Variants in PDIA5 observed in about 807,000 individuals in gnomAD.
The protein encoded by PDIA5 is protein disulfide isomerase family A member 5.
PDIA5 carries 58 observed loss-of-function variants against 77.6 expected under a neutral mutation model. That is an observed-to-expected ratio of 0.75 (90% CI 0.61 to 0.93). The LOEUF (loss-of-function observed/expected upper bound fraction) is 0.93, where lower values mean the gene tolerates loss of function less well. Among genes scored for constraint, PDIA5 ranks in the 40% least tolerant of loss-of-function variants. The probability of loss-of-function intolerance (pLI) is 0.00; values close to 1 mark genes in which losing one functional copy is unlikely to be tolerated. For missense variants in PDIA5, 630 were observed against 647.7 expected (o/e 0.97, Z 0.30); for synonymous variants, 250 against 252.1 (o/e 0.99, Z 0.08).
chr3:123,106,560 G>A (rs192617699), intron 5 of PDIA5, among the ~76,000 whole-genome samples, 189 bp from the exon 6 acceptor site: 5 of 152,246 alleles, frequency 3.3e-5, no homozygotes, highest in Admixed American at 3.3e-4. Context: ...TGCATTTTTG[G>A]GCACTTATCC....
chr3:123,113,165 CT>C (rs1934906081), intron 7 of PDIA5, among the ~76,000 whole-genome samples: 1 of 152,186 alleles, frequency 6.6e-6, no homozygotes, highest in South Asian at 2.1e-4. Flanking sequence ...TTTGGTATAT[CT>C]TAAAGCCCTT....
intron 1 of PDIA5, among the ~76,000 whole-genome samples, chr3:123,076,926 C>T (rs192622140): frequency 1.3e-5 from 2 of 152,334 alleles, no homozygotes; most frequent in Admixed American, 1.3e-4. Flanking sequence ...CATAAGCTCT[C>T]AGATAAGTTG....
intron 11 of PDIA5, among the ~76,000 whole-genome samples, chr3:123,143,816 C>T (rs1935696444): frequency 6.6e-6 from 1 of 152,196 alleles, no homozygotes; most frequent in South Asian, 2.1e-4. Context: ...GTTGATGTGG[C>T]TAAGCACTGT....
At chr3:123,082,677 A>G (rs1560498619) in intron 1 of PDIA5, among the ~76,000 whole-genome samples, 1 of 151,968 alleles carries the variant, frequency 6.6e-6, no homozygotes, top group Non-Finnish European at 1.5e-5. Context: ...TGCTCCCCTT[A>G]TAAGTTGTCT....
In PDIA5 at chr3:123,150,423, C is replaced by T; in HGVS notation, c.1273+59C>T. 5 of 1,536,302 alleles carry T rather than the reference C, an allele frequency of 3.3e-6. 1 individual carries two copies. The highest frequency in any genetic ancestry group is 2.5e-5 in the South Asian group (2 of 79,778). The stretch of plus-strand genomic sequence containing the variant: ...TAAGAGGGGTTTGGCCCCACCAAAC[C>T]AAAAAGACCCGCACACCCACCCCAG... On this transcript the variant is annotated intron_variant, in intron 14 of 16. Transcript: ENST00000316218.
chr3:123,108,917 G>A (rs1175379436), intron 6 of PDIA5, among the ~76,000 whole-genome samples: 1 of 152,038 alleles, frequency 6.6e-6, no homozygotes, highest in African/African-American at 2.4e-5. Context: ...GGGAAAGAGG[G>A]GCAAGTGCCA....
chr3:123,148,951 AGGCTGTG>A (rs1935826218), intron 13 of PDIA5, among the ~76,000 whole-genome samples: 1 of 152,266 alleles, frequency 6.6e-6, no homozygotes, highest in Non-Finnish European at 1.5e-5. Context: ...ATAGGCTGCC[AGGCTGTG>A]GGTAACTGAG....
intron 1 of PDIA5, among the ~76,000 whole-genome samples, chr3:123,088,435 C>T (rs1448066940): frequency 6.6e-6 from 1 of 152,156 alleles, no homozygotes; most frequent in African/African-American, 2.4e-5. Flanking sequence ...CCATCCTAAG[C>T]ATTAAGGGAT....
At position 123,067,878 on chromosome 3, in the gene PDIA5, C is replaced by T. The variant is rs964973046; in HGVS notation, c.42+672C>T. 3.3e-5 allele frequency among the ~76,000 whole-genome samples: 5 copies of T among 152,216 alleles called. No individual in the cohort carries two copies. The South Asian group carries it at 8.3e-4, about 25-fold the overall frequency. ...TCATGCATGATATAGAAAGGCAAAG[C>T]TACCCCCATAGGGTGGTTCTGAGAG... On this transcript the variant is annotated intron_variant, in intron 1 of 16. Transcript: ENST00000316218.
intron 7 of PDIA5, among the ~76,000 whole-genome samples, chr3:123,114,886 G>T (rs1007203070): frequency 2.6e-5 from 4 of 152,192 alleles, no homozygotes; most frequent in African/African-American, 9.7e-5. Context: ...GCGTACTGGG[G>T]TGTGTGTGAG....
intron 6 of PDIA5, among the ~76,000 whole-genome samples, chr3:123,110,477 G>T (rs978157811): frequency 6.6e-6 from 1 of 152,132 alleles, no homozygotes; most frequent in African/African-American, 2.4e-5. Flanking sequence ...ATCCCCATCT[G>T]CCAAGTCAGG....
At chr3:123,130,386 C>G in intron 10 of PDIA5, 94 bp from the exon 11 acceptor site, 1 of 1,392,762 alleles carries the variant, frequency 7.2e-7, no homozygotes, top group African/African-American at 1.4e-5. Flanking sequence ...CCGTCCCGAG[C>G]CCATGGGGAG....
intron 15 of PDIA5, among the ~76,000 whole-genome samples, chr3:123,160,983 C>G (rs776394087): frequency 6.6e-6 from 1 of 152,186 alleles, no homozygotes; most frequent in African/African-American, 2.4e-5. Context: ...TGATTAAATC[C>G]TACAGTCCCT....
intron 1 of PDIA5, among the ~76,000 whole-genome samples, chr3:123,082,816 A>C (rs1177544670): frequency 6.6e-6 from 1 of 151,954 alleles, no homozygotes; most frequent in Non-Finnish European, 1.5e-5. Context: ...TCTCCTCTCC[A>C]CCTTGTAGGT....
intron 10 of PDIA5, among the ~76,000 whole-genome samples, chr3:123,128,502 TATTTTTTA>T (rs1389565731): frequency 5.3e-5 from 8 of 152,218 alleles, no homozygotes; most frequent in African/African-American, 1.7e-4. Context: ...ATTTATTTTT[TATTTTTTA>T]TTTTTTTATT....
At chr3:123,068,219 C>T (rs1331104119) in intron 1 of PDIA5, among the ~76,000 whole-genome samples, 1 of 152,204 alleles carries the variant, frequency 6.6e-6, no homozygotes, top group African/African-American at 2.4e-5. Context: ...TCCCCCCAAC[C>T]CAGATTTTCC....
chr3:123,075,591 A>G (rs1458121377), intron 1 of PDIA5, among the ~76,000 whole-genome samples: 1 of 152,106 alleles, frequency 6.6e-6, no homozygotes, highest in Non-Finnish European at 1.5e-5. Flanking sequence ...GGCAGATTTC[A>G]GAGGGATGAG....
intron 5 of PDIA5, among the ~76,000 whole-genome samples, chr3:123,105,271 TC>T (rs1206832394): frequency 1.3e-5 from 2 of 152,170 alleles, no homozygotes; most frequent in Non-Finnish European, 2.9e-5. Flanking sequence ...ACTCCTGAAG[TC>T]CCTTGTGCAC....
intron 7 of PDIA5, among the ~76,000 whole-genome samples, chr3:123,114,336 A>C (rs549161400): frequency 6.6e-6 from 1 of 151,658 alleles, no homozygotes; most frequent in East Asian, 1.9e-4. Flanking sequence ...CCCTCAGTGG[A>C]AGTGTTTCCC....
Sources: gnomAD v4.1 joint callset for allele counts (sites outside exome capture counted in the v4.1 genomes callset) on GRCh38, gnomAD v4.1.1 for gene constraint, MANE v1.5 for transcripts, NCBI Gene and HGNC (gene_info 2026-07-23, HGNC 2026-07-21) for gene names.